The following BLTP2 variants were observed in gnomAD, a reference collection of about 807,000 sequenced individuals.
BLTP2 encodes the protein bridge-like lipid transfer protein family member 2.
At chr17:28,637,084 G>C in the BLTP2 span, 34 of 1,614,166 alleles carry the variant, frequency 2.1e-5, no homozygotes, top group South Asian at 3.4e-4. Flanking sequence ...GATTTCACCA[G>C]CGCTAACACA....
At chr17:28,636,483 T>C in the BLTP2 span, among the ~76,000 whole-genome samples, 1 of 152,198 alleles carries the variant, frequency 6.6e-6, no homozygotes, top group Admixed American at 6.5e-5. Context: ...GAAATATTTA[T>C]AGTTGAAATT....
At chr17:28,620,625 C>A in the BLTP2 span, 1 of 1,613,898 alleles carries the variant, frequency 6.2e-7, no homozygotes, top group South Asian at 1.1e-5. Context: ...AAGGTATCCA[C>A]AGCCCCTAGA....
At chr17:28,622,880 G>A in the BLTP2 span, among the ~76,000 whole-genome samples, 1,839 of 152,168 alleles carry the variant, frequency 0.012, 23 homozygotes, top group Admixed American at 0.022. Context: ...CGTGAGACCA[G>A]CCTGGCCAAC....
At chr17:28,623,160 TAA>T in the BLTP2 span, among the ~76,000 whole-genome samples, 2 of 151,740 alleles carry the variant, frequency 1.3e-5, no homozygotes, top group South Asian at 2.1e-4. Context: ...AAAAAAAAAA[TAA>T]GAGTACTTTC....
chr17:28,635,494 G>A, the BLTP2 span: 1 of 1,614,190 alleles, frequency 6.2e-7, no homozygotes, highest in Non-Finnish European at 8.5e-7. Context: ...TACAGTCTCA[G>A]GAAACACAGT....
At chr17:28,631,080 C>T in the BLTP2 span, among the ~76,000 whole-genome samples, 1 of 152,176 alleles carries the variant, frequency 6.6e-6, no homozygotes, top group Non-Finnish European at 1.5e-5. Context: ...TGTGTTCCCC[C>T]CAAATTCATA....
chr17:28,623,963 C>T, the BLTP2 span: 1 of 1,613,232 alleles, frequency 6.2e-7, no homozygotes, highest in Non-Finnish European at 8.5e-7. Context: ...CCACGAAGAA[C>T]CATCTATGCC....
At chr17:28,631,806 G>C in the BLTP2 span, 1 of 1,601,112 alleles carries the variant, frequency 6.2e-7, no homozygotes, top group Non-Finnish European at 8.6e-7. Flanking sequence ...AATGAAAGGA[G>C]TCTTTCATTT....
the BLTP2 span, chr17:28,633,237 C>A: frequency 6.3e-7 from 1 of 1,598,800 alleles, no homozygotes; most frequent in Non-Finnish European, 8.6e-7. Context: ...CTCCCTCCAA[C>A]CTGAGCCCCT....
At chr17:28,638,187 C>T in the BLTP2 span, 4 of 1,597,398 alleles carry the variant, frequency 2.5e-6, no homozygotes, top group South Asian at 1.1e-5. Flanking sequence ...GGATGCTCAG[C>T]GCTCTGACGC....
chr17:28,637,119 G>T, the BLTP2 span: 40 of 1,614,156 alleles, frequency 2.5e-5, no homozygotes, highest in Non-Finnish European at 3.3e-5. Flanking sequence ...CACAGTGGAC[G>T]TCTCTGCACT....
At chr17:28,630,575 G>T in the BLTP2 span, among the ~76,000 whole-genome samples, 1 of 150,550 alleles carries the variant, frequency 6.6e-6, no homozygotes, top group Non-Finnish European at 1.5e-5. Flanking sequence ...CCACCTCCCG[G>T]GTTCAAGAGA....
the BLTP2 span, chr17:28,643,411 G>A: frequency 2.0e-6 from 3 of 1,501,530 alleles, no homozygotes; most frequent in South Asian, 2.3e-5. Context: ...TAGAAATATA[G>A]CTCAAATCAC....
At chr17:28,644,320 G>T in the BLTP2 span, 2 of 948,050 alleles carry the variant, frequency 2.1e-6, no homozygotes, top group Non-Finnish European at 3.2e-6. Context: ...TTCTTCCAAA[G>T]CACCACTCTG....
At chr17:28,615,073 C>A in the BLTP2 span, 1 of 1,613,196 alleles carries the variant, frequency 6.2e-7, no homozygotes, top group African/African-American at 1.3e-5. Flanking sequence ...ATCATTTGCG[C>A]CTGCCAAAGA....
chr17:28,644,936 G>A, the BLTP2 span: 22 of 1,444,208 alleles, frequency 1.5e-5, no homozygotes, highest in East Asian at 2.0e-4. Context: ...CCTCCTCTCC[G>A]CCCCCTCCCT....
chr17:28,642,976 A>T, the BLTP2 span: 2 of 1,587,100 alleles, frequency 1.3e-6, no homozygotes, highest in Non-Finnish European at 1.7e-6. Context: ...CATCTACATG[A>T]ATGGAGAATA....
the BLTP2 span, chr17:28,615,811 G>C: frequency 6.2e-7 from 1 of 1,612,802 alleles, no homozygotes; most frequent in East Asian, 2.2e-5. Context: ...GTAAGAGGAG[G>C]GGGAGGGGAA....
the BLTP2 span, chr17:28,631,961 G>C: frequency 1.2e-6 from 2 of 1,609,870 alleles, no homozygotes; most frequent in Non-Finnish European, 8.5e-7. Flanking sequence ...GATGGCATGA[G>C]AGGGATGATT....
Sources: allele counts gnomAD v4.1 joint callset (sites outside exome capture counted in the v4.1 genomes callset), GRCh38; gene constraint gnomAD v4.1.1; transcripts MANE v1.5; gene names NCBI Gene and HGNC (gene_info 2026-07-23, HGNC 2026-07-21).